Variants in PCSK2 observed in about 807,000 individuals in gnomAD.
The protein encoded by PCSK2 is neuroendocrine convertase 2.
In PCSK2, 14 loss-of-function variants were observed where a neutral mutation model predicts 69.7. The observed-to-expected ratio is 0.20, with a 90% CI of 0.13 to 0.31. The LOEUF (loss-of-function observed/expected upper bound fraction) is 0.31, where lower values mean the gene tolerates loss of function less well. PCSK2 is among the 10% of genes least tolerant of loss of function. PCSK2 has a pLI of 1.00. For missense variants in PCSK2, 544 were observed against 842.5 expected, an observed-to-expected ratio of 0.65 and a Z score of 4.39; for synonymous variants, 307 against 320.7, an observed-to-expected ratio of 0.96 and a Z score of 0.46.
rs765684955 is a variant in PCSK2, at chr20:17,358,404, C to A, written c.360C>A (p.Asn120Lys). Residue 120 changes from asparagine to lysine, a missense_variant, in exon 3 of 12, where the codon AAC becomes AAA. Asn to Lys is a moderately conservative substitution (Grantham distance 94). Coordinates refer to ENST00000262545, the MANE Select transcript of PCSK2 (RefSeq NM_002594.5). ...GYRDINEIDI[N>K]MNDPLFTKQW... is the part of the protein sequence containing the mutation. ...GAGACATCAATGAGATCGACATCAA[C>A]ATGAACGATCCTCTTTTTACAAAGC... The A allele has an allele frequency of 3.3e-5, 53 of 1,608,182 alleles. 3 individuals carry two copies. The South Asian group carries it at 5.7e-4, about 17-fold the overall frequency.
chr20:17,226,544 AG>A (rs1985909862), upstream of PCSK2, among the ~76,000 whole-genome samples: 1 of 151,552 alleles, frequency 6.6e-6, no homozygotes, highest in Admixed American at 6.6e-5. Flanking sequence ...AGAGAGAGAG[AG>A]AGAGAGAGAG....
At chr20:17,247,165 C>T (rs6136038) in intron 1 of PCSK2, among the ~76,000 whole-genome samples, 13,341 of 152,222 alleles carry the variant, frequency 0.088, 766 homozygotes, top group South Asian at 0.24. Flanking sequence ...GGTCTCTCAT[C>T]CTCCAGCAGC....
chr20:17,304,684 C>T (rs1989271415), intron 2 of PCSK2, among the ~76,000 whole-genome samples: 1 of 152,154 alleles, frequency 6.6e-6, no homozygotes, highest in Non-Finnish European at 1.5e-5. Flanking sequence ...TGAAGTCACT[C>T]CTTCTGAGTT....
chr20:17,235,164 A>G (rs1295694651), intron 1 of PCSK2, among the ~76,000 whole-genome samples: 1 of 137,768 alleles, frequency 7.3e-6, no homozygotes, highest in Non-Finnish European at 1.6e-5. Context: ...TTTGACCACA[A>G]CTTTTTGGAA....
chr20:17,395,394 G>C (rs1185520084), intron 5 of PCSK2, among the ~76,000 whole-genome samples: 1 of 152,172 alleles, frequency 6.6e-6, no homozygotes, highest in Non-Finnish European at 1.5e-5. Flanking sequence ...GCTGGGATAA[G>C]CAAGGTGTTC....
intron 11 of PCSK2, among the ~76,000 whole-genome samples, chr20:17,472,187 G>A (rs1195225736): frequency 1.3e-5 from 2 of 152,188 alleles, no homozygotes; most frequent in Non-Finnish European, 1.5e-5. Flanking sequence ...GCCCCTCTGG[G>A]CACCCTGAGG....
intron 1 of PCSK2, among the ~76,000 whole-genome samples, chr20:17,228,867 G>A (rs1600391634): frequency 6.6e-6 from 1 of 152,252 alleles, no homozygotes; most frequent in East Asian, 1.9e-4. Flanking sequence ...GTGGCGCGCG[G>A]GCGGGTCTTG....
intron 2 of PCSK2, among the ~76,000 whole-genome samples, chr20:17,347,112 A>G (rs1423291974): frequency 6.6e-6 from 1 of 152,106 alleles, no homozygotes; most frequent in Non-Finnish European, 1.5e-5. Context: ...AGATGGTCCA[A>G]CCTCTCTAAA....
intron 8 of PCSK2, among the ~76,000 whole-genome samples, chr20:17,449,843 T>G (rs1395724160): frequency 1.3e-5 from 2 of 151,746 alleles, no homozygotes; most frequent in Non-Finnish European, 2.9e-5. Flanking sequence ...TATATTAACA[T>G]AGGGAAAATT....
chr20:17,479,013 A>C (rs2033341685), intron 11 of PCSK2: 1 of 877,954 alleles, frequency 1.1e-6, no homozygotes, highest in Non-Finnish European at 1.9e-6. Flanking sequence ...GCACACTAAT[A>C]AATAACTATT....
At chr20:17,325,353 T>G (rs746490463) in intron 2 of PCSK2, among the ~76,000 whole-genome samples, 2 of 152,212 alleles carry the variant, frequency 1.3e-5, no homozygotes, top group African/African-American at 2.4e-5. Context: ...AGTTTGTAAA[T>G]AGCAAAAGAC....
intron 5 of PCSK2, among the ~76,000 whole-genome samples, chr20:17,375,929 C>T (rs140294016): frequency 3.9e-5 from 6 of 152,204 alleles, no homozygotes; most frequent in African/African-American, 1.4e-4. Flanking sequence ...GTGTTTCCTA[C>T]CCCTTGACTT....
At chr20:17,287,645 C>T (rs1452852813) in intron 2 of PCSK2, among the ~76,000 whole-genome samples, 1 of 152,182 alleles carries the variant, frequency 6.6e-6, no homozygotes, top group Non-Finnish European at 1.5e-5. Context: ...CCTCAATTCT[C>T]CAAGAACCCT....
intron 2 of PCSK2, among the ~76,000 whole-genome samples, chr20:17,344,879 C>T (rs927950791): frequency 1.3e-5 from 2 of 152,058 alleles, no homozygotes; most frequent in Admixed American, 6.5e-5. Flanking sequence ...ATTTCAGTAG[C>T]ATTTCTCCCT....
intron 2 of PCSK2, among the ~76,000 whole-genome samples, chr20:17,356,362 C>T (rs2030196253): frequency 6.6e-6 from 1 of 152,088 alleles, no homozygotes; most frequent in Non-Finnish European, 1.5e-5. Flanking sequence ...GAGCCAATGC[C>T]ACACTTAACA....
intron 2 of PCSK2, among the ~76,000 whole-genome samples, chr20:17,283,240 A>G (rs1187294387): frequency 6.6e-6 from 1 of 152,250 alleles, no homozygotes; most frequent in Non-Finnish European, 1.5e-5. Context: ...AAGTAGGTAG[A>G]TAAATGAATA....
intron 2 of PCSK2, among the ~76,000 whole-genome samples, chr20:17,333,674 G>A (rs1418624579): frequency 6.6e-6 from 1 of 151,756 alleles, no homozygotes; most frequent in Non-Finnish European, 1.5e-5. Context: ...GCAGTCTCTG[G>A]GGCCACTTCA....
At chr20:17,356,777 T>C (rs1353653984) in intron 2 of PCSK2, among the ~76,000 whole-genome samples, 1 of 152,136 alleles carries the variant, frequency 6.6e-6, no homozygotes, top group Non-Finnish European at 1.5e-5. Flanking sequence ...GATCTTTTAC[T>C]AGAAGAGCCT....
At chr20:17,288,271 C>A (rs1988586385) in intron 2 of PCSK2, among the ~76,000 whole-genome samples, 1 of 152,158 alleles carries the variant, frequency 6.6e-6, no homozygotes, top group African/African-American at 2.4e-5. Flanking sequence ...GAGGATGCTC[C>A]CAAAGCCAGC....
Sources: allele counts gnomAD v4.1 joint callset (sites outside exome capture counted in the v4.1 genomes callset), GRCh38; gene constraint gnomAD v4.1.1; transcripts MANE v1.5; gene names NCBI Gene and HGNC (gene_info 2026-07-23, HGNC 2026-07-21).